The following SARM1 variants were observed in gnomAD, a reference collection of about 807,000 sequenced individuals.
SARM1 encodes the protein sterile alpha and TIR motif containing 1, also known as NAD(+) hydrolase SARM1.
In SARM1, 60 loss-of-function variants were observed where a neutral mutation model predicts 65.1. The observed-to-expected ratio is 0.92, with a 90% CI of 0.75 to 1.14. The LOEUF is 1.14. Among genes scored for constraint, SARM1 ranks in the 50% most tolerant of loss-of-function variants. SARM1 has a pLI of 0.00. For synonymous variants in SARM1, 417 were observed against 465.4 expected (o/e 0.90, Z 1.34); for missense variants, 913 against 1,015.7 (o/e 0.90, Z 1.37).
chr17:28,374,264 CAGA>C (rs2067976202), intron 1 of SARM1: 1 of 112,376 alleles, frequency 8.9e-6, no homozygotes, highest in Non-Finnish European at 1.7e-5. Context: ...CGCTGGATGA[CAGA>C]GCAAGACTCG....
In SARM1 at chr17:28,402,402, A is replaced by G; in HGVS notation, c.*6116A>G. 3.2e-6 allele frequency: 4 copies of G among 1,239,058 alleles called. No individual in the cohort carries two copies. Among genetic ancestry groups the G allele is most frequent in the African/African-American group, 1.5e-5 (1 of 67,302 alleles). 76.8% of individuals were successfully genotyped at this position (1,239,058 alleles called of 1,614,324 possible). ...GGGAAAGGCAGCAGAGCTCCTATCC[A>G]TACCCCACGTGGGGCTTAGGTTAGA... On this transcript the variant is annotated 3_prime_UTR_variant, in exon 9 of 9. Transcript: ENST00000585482.
At position 28,396,513 on chromosome 17, in the gene SARM1, C is replaced by T. The variant is rs2068126082; in HGVS notation, c.*227C>T. 1.7e-6 allele frequency: 1 copy of T among 573,304 alleles called. No homozygotes were observed. Among genetic ancestry groups the T allele is most frequent in the African/African-American group, 1.9e-5 (1 of 53,340 alleles). The allele number at this position is 573,304 out of a possible 1,614,324, so 35.5% of individuals were successfully genotyped here. On this transcript the variant is annotated 3_prime_UTR_variant, in exon 9 of 9. Coordinates refer to ENST00000585482, the MANE Select transcript of SARM1 (RefSeq NM_015077.4). ...TTGGGCACGGGAGGTTAGAACTCCC[C>T]CAGGCCCTGCCATTGGGTTGTCTGT... is the stretch of plus-strand genomic sequence containing the variant.
Position 28,402,627 on chromosome 17 carries a change from C to T in SARM1, c.*6341C>T. On this transcript the variant is annotated 3_prime_UTR_variant, in exon 9 of 9. Coordinates refer to ENST00000585482, the MANE Select transcript of SARM1 (RefSeq NM_015077.4). ...GGCACTTAGTAGGGATATGGCAGGG[C>T]ACAGAAAACAAGCATGGGCTTTGGA... 3.9e-6 allele frequency: 1 copy of T among 255,628 alleles called. No homozygotes were observed. Among genetic ancestry groups the T allele is most frequent in the South Asian group, 6.3e-5 (1 of 15,912 alleles). The allele number at this position is 255,628 out of a possible 1,614,324, so 15.8% of individuals were successfully genotyped here.
At chr17:28,391,775 T>C (rs1188320477) in intron 7 of SARM1, among the ~76,000 whole-genome samples, 4 of 144,578 alleles carry the variant, frequency 2.8e-5, no homozygotes, top group Non-Finnish European at 6.0e-5. Context: ...ATAGAACAAT[T>C]GAATCAATGA....
intron 1 of SARM1, chr17:28,373,197 C>T (rs2067968398): frequency 6.6e-6 from 1 of 152,292 alleles, no homozygotes; most frequent in Non-Finnish European, 1.5e-5. Context: ...TGTTCTCTCC[C>T]TTCACCCCAC....
chr17:28,385,900 A>G lies in SARM1; in HGVS notation c.1630+625A>G, dbSNP rs2068048230. ...CAAGGTACTCTGTTTGGTTTTTAAG[A>G]TATTATCCCATCAGTCTCTATATTG... On this transcript the variant is annotated intron_variant, in intron 5 of 8. Coordinates refer to ENST00000585482, the MANE Select transcript of SARM1 (RefSeq NM_015077.4). The surrounding 1 kb of genome is among the most constrained non-coding windows in gnomAD (Gnocchi z 4.5). Among the ~76,000 whole-genome samples, 5 of 152,168 alleles carry G rather than the reference A, an allele frequency of 3.3e-5. No individual in the cohort carries two copies. The highest frequency in any genetic ancestry group is 2.6e-4 in the Admixed American group (4 of 15,274).
chr17:28,391,974 G>A (rs2068082930), intron 7 of SARM1, among the ~76,000 whole-genome samples: 1 of 150,800 alleles, frequency 6.6e-6, no homozygotes, highest in African/African-American at 2.4e-5. Context: ...TTCAGTGCCT[G>A]CCTCGGCTCC....
rs959033915 is a variant in SARM1, at chr17:28,379,532, G to A, written c.471-1671G>A. On this transcript the variant is annotated intron_variant, in intron 1 of 8. Transcript: ENST00000585482. ...TCACCATGTTAGCCAGGATGGTCTC[G>A]AGCTCCTGACCTTGTCATCCACCCG... Among the ~76,000 whole-genome samples, 6 of 151,872 alleles carry A rather than the reference G, an allele frequency of 4.0e-5. No homozygotes were observed. In the South Asian group the frequency reaches 8.3e-4, roughly 21 times the overall value.
chr17:28,373,048 C>T (rs1290197653), intron 1 of SARM1: 1 of 152,700 alleles, frequency 6.5e-6, no homozygotes, highest in East Asian at 1.9e-4. Context: ...TCTGCTCCAT[C>T]CTTCATTCTG....
chr17:28,386,857 A>G (rs1336107210), intron 5 of SARM1, among the ~76,000 whole-genome samples: 1 of 151,894 alleles, frequency 6.6e-6, no homozygotes, highest in Non-Finnish European at 1.5e-5. Flanking sequence ...CTCCCACCTC[A>G]CCTCCCAAGT....
At chr17:28,388,630 C>G in intron 7 of SARM1, 91 bp downstream of exon 7, 3 of 1,348,500 alleles carry the variant, frequency 2.2e-6, no homozygotes, top group Non-Finnish European at 3.1e-6. Flanking sequence ...CTGCACATCC[C>G]GGCACACTTA....
At chr17:28,396,048 C>G (rs782232897) in intron 8 of SARM1, 22 bp downstream of exon 8, 2 of 1,613,698 alleles carry the variant, frequency 1.2e-6, no homozygotes, top group South Asian at 1.1e-5. Context: ...GGCCCTGGGA[C>G]CAGGGGGGTA....
intron 7 of SARM1, among the ~76,000 whole-genome samples, chr17:28,393,139 G>C (rs529604386): frequency 1.3e-5 from 2 of 152,148 alleles, no homozygotes; most frequent in African/African-American, 4.8e-5. Context: ...CACCTATTAC[G>C]TATTAAGCAT....
At chr17:28,375,833 A>T (rs548591168) in intron 1 of SARM1, among the ~76,000 whole-genome samples, 4 of 152,240 alleles carry the variant, frequency 2.6e-5, no homozygotes, top group South Asian at 2.1e-4. Flanking sequence ...TAAATTAAAA[A>T]TTTTTTAAAA....
chr17:28,395,729 A>C, intron 7 of SARM1, 176 bp from the exon 8 acceptor site: 12 of 635,422 alleles, frequency 1.9e-5, no homozygotes, highest in South Asian at 4.0e-5. Flanking sequence ...GGGCAAAGGA[A>C]AAATATTTAT....
chr17:28,400,393 A>T lies in SARM1; in HGVS notation c.*4107A>T. The T allele has an allele frequency of 3.5e-6, 2 of 569,478 alleles. No individual in the cohort carries two copies. The highest frequency in any genetic ancestry group is 6.2e-6 in the Non-Finnish European group (2 of 322,852). The allele number at this position is 569,478 out of a possible 1,614,324, so 35.3% of individuals were successfully genotyped here. On this transcript the variant is annotated 3_prime_UTR_variant, in exon 9 of 9. Coordinates refer to ENST00000585482, the MANE Select transcript of SARM1 (RefSeq NM_015077.4). Reference sequence around the variant, plus strand: ...CACAGCCTTGCCAAGCAGCAATGTTAGCCTGATCCTTCCTCCACCTAGCTC... The same window carrying T: ...CACAGCCTTGCCAAGCAGCAATGTTTGCCTGATCCTTCCTCCACCTAGCTC...
Position 28,400,003 on chromosome 17 carries a change from C to T in SARM1, c.*3717C>T, listed in dbSNP as rs2068176747. The T allele has an allele frequency of 2.5e-6, 1 of 404,136 alleles. No homozygotes were observed. Among genetic ancestry groups the T allele is most frequent in the Non-Finnish European group, 4.6e-6 (1 of 217,318 alleles). The allele number at this position is 404,136 out of a possible 1,614,324, so 25.0% of individuals were successfully genotyped here. ...TGAACTCCTGGGCTCAAGTGATCCT[C>T]CTGCCTCAGCCTCCTTAGTAGCTGG... On this transcript the variant is annotated 3_prime_UTR_variant, in exon 9 of 9. Coordinates refer to ENST00000585482, the MANE Select transcript of SARM1 (RefSeq NM_015077.4).
rs782746225 is a variant in SARM1 at position 28,385,236 on chromosome 17, C to T, written c.1591C>T (p.Leu531=). The change falls in exon 5 of 9, where the codon CTG becomes TTG. Residue 531 remains leucine (L), a synonymous_variant. Coordinates refer to ENST00000585482, the MANE Select transcript of SARM1 (RefSeq NM_015077.4). This position sits in a 1 kb window ranked among gnomAD's most constrained non-coding sequence, Gnocchi z 4.5. ...GCTGCTGGAAGACTGCGGCATCCAC[C>T]TGGGCGTGCACCGCGCCCGCATCCT... ...QQLLEDCGIH[L]GVHRARILTA... 1.1e-4 allele frequency: 174 copies of T among 1,586,204 alleles called. 1 individual carries two copies. Among genetic ancestry groups the T allele is most frequent in the Admixed American group, 7.1e-4 (41 of 57,734 alleles).
intron 7 of SARM1, chr17:28,395,669 C>T (rs1423337532): frequency 5.2e-5 from 26 of 497,040 alleles, no homozygotes; most frequent in African/African-American, 5.0e-4. Context: ...CAAAGACACT[C>T]ATCACTCAAG....
Sources: allele counts gnomAD v4.1 joint callset (sites outside exome capture counted in the v4.1 genomes callset), GRCh38; gene constraint gnomAD v4.1.1; non-coding constraint Gnocchi (gnomAD v3.1); transcripts MANE v1.5; gene names NCBI Gene and HGNC (gene_info 2026-07-23, HGNC 2026-07-21).